Variants in CREB5 observed in about 807,000 individuals in gnomAD.
CREB5 encodes the protein cAMP responsive element binding protein 5.
A neutral mutation model predicts 57.1 loss-of-function variants in CREB5; 19 were observed. The ratio of observed to expected loss-of-function variants is 0.33; its 90% CI spans 0.23 to 0.49. The LOEUF is 0.49. Ranked by LOEUF, CREB5 falls within the 20% of genes least tolerant of loss-of-function variation. CREB5 has a pLI of 0.99. For missense variants in CREB5, 579 were observed against 671.6 expected, an observed-to-expected ratio of 0.86 and a Z score of 1.52; for synonymous variants, 238 against 238.3, an observed-to-expected ratio of 1.00 and a Z score of 0.01.
chr7:28,409,162 C>T (rs1351571289), upstream of CREB5, among the ~76,000 whole-genome samples: 3 of 151,582 alleles, frequency 2.0e-5, no homozygotes, highest in Non-Finnish European at 4.4e-5. This position sits in a 1 kb window ranked among gnomAD's most constrained non-coding sequence, Gnocchi z 4.4. Flanking sequence ...GCTGCCGCTC[C>T]CGGGCGGGTG....
At chr7:28,559,312 G>A (rs1794987943) in intron 4 of CREB5, among the ~76,000 whole-genome samples, 1 of 151,992 alleles carries the variant, frequency 6.6e-6, no homozygotes, top group African/African-American at 2.4e-5. Context: ...TAGGTTTTTT[G>A]TTTGTTTGTT....
At chr7:28,699,229 C>T (rs1460238828) in intron 5 of CREB5, among the ~76,000 whole-genome samples, 2 of 148,044 alleles carry the variant, frequency 1.4e-5, no homozygotes, top group Admixed American at 1.4e-4. Context: ...CTGCCAATAT[C>T]GGTTTAGAAA....
At chr7:28,639,443 T>C (rs577251883) in intron 5 of CREB5, among the ~76,000 whole-genome samples, 1 of 152,336 alleles carries the variant, frequency 6.6e-6, no homozygotes, top group South Asian at 2.1e-4. Flanking sequence ...TTGGTATTTA[T>C]TATATTCTGC....
chr7:28,794,195 A>C (rs940332547), intron 7 of CREB5, among the ~76,000 whole-genome samples: 1 of 152,182 alleles, frequency 6.6e-6, no homozygotes, highest in African/African-American at 2.4e-5. Context: ...CTTTTTTCCA[A>C]TAGAACTTTC....
intron 4 of CREB5, among the ~76,000 whole-genome samples, chr7:28,552,165 C>T (rs974891983): frequency 3.9e-5 from 6 of 152,040 alleles, no homozygotes; most frequent in African/African-American, 9.7e-5. Flanking sequence ...TTCAGCCTCC[C>T]AAGTTGGGAT....
At chr7:28,796,813 C>A (rs558407211) in intron 7 of CREB5, among the ~76,000 whole-genome samples, 1 of 152,190 alleles carries the variant, frequency 6.6e-6, no homozygotes, top group African/African-American at 2.4e-5. Flanking sequence ...AGGCACATGG[C>A]GCTAAGTGGT....
chr7:28,735,972 T>G (rs1342372597), intron 7 of CREB5, among the ~76,000 whole-genome samples: 1 of 151,770 alleles, frequency 6.6e-6, no homozygotes, highest in African/African-American at 2.4e-5. Flanking sequence ...GCCCAGCTAT[T>G]TTTAAATTTT....
At chr7:28,303,505 G>T (rs1785136797) in intron 1 of CREB5, among the ~76,000 whole-genome samples, 1 of 152,136 alleles carries the variant, frequency 6.6e-6, no homozygotes, top group African/African-American at 2.4e-5. Flanking sequence ...TCTTACCTCT[G>T]GTTTTCTAAC....
At chr7:28,692,626 G>A (rs1017372166) in intron 5 of CREB5, among the ~76,000 whole-genome samples, 3 of 152,050 alleles carry the variant, frequency 2.0e-5, no homozygotes, top group Non-Finnish European at 4.4e-5. Context: ...GGCCAACCTC[G>A]GGCATGGTGG....
rs1808941969 is a variant in CREB5, at chr7:28,809,209, T to C, written c.1049T>C (p.Met350Thr). 1.2e-6 allele frequency: 2 copies of C among 1,613,348 alleles called. No homozygotes were observed. The highest frequency in any genetic ancestry group is 1.7e-5 in the Admixed American group (1 of 59,988). The change falls in exon 9 of 11, where the codon ATG becomes ACG. Residue 350 changes from methionine (M) to threonine (T), a missense_variant. By Grantham distance (81) the Met-to-Thr change is moderately conservative. Transcript: ENST00000357727. ...CAGGTTTCACCAGCAACACAACAGA[T>C]GCAGCCAACCCAGACAATACAGCCA... Reference protein sequence around the residue: ...QAQVSPATQQMQPTQTIQPPQ... With the variant: ...QAQVSPATQQTQPTQTIQPPQ...
chr7:28,639,340 T>C (rs1200894789), intron 5 of CREB5, among the ~76,000 whole-genome samples: 1 of 144,046 alleles, frequency 6.9e-6, no homozygotes, highest in African/African-American at 2.7e-5. Context: ...CCAACAGACA[T>C]TCCTTAGCTC....
intron 5 of CREB5, among the ~76,000 whole-genome samples, chr7:28,689,240 G>C (rs894951580): frequency 6.6e-6 from 1 of 152,116 alleles, no homozygotes; most frequent in Non-Finnish European, 1.5e-5. Context: ...ACTTTGGGAG[G>C]CCGAGGTGGG....
intron 5 of CREB5, among the ~76,000 whole-genome samples, chr7:28,585,861 G>A (rs944715560): frequency 5.9e-5 from 9 of 152,098 alleles, no homozygotes; most frequent in Admixed American, 1.3e-4. Context: ...CTGTGCGGTC[G>A]GAACTAGGTT....
At chr7:28,443,464 T>A (rs1267727885) in intron 1 of CREB5, among the ~76,000 whole-genome samples, 4 of 152,170 alleles carry the variant, frequency 2.6e-5, no homozygotes, top group African/African-American at 4.8e-5. Flanking sequence ...GCAAACATAT[T>A]TGAAAAAATT....
chr7:28,635,820 A>T (rs1479108107), intron 5 of CREB5, among the ~76,000 whole-genome samples: 1 of 152,178 alleles, frequency 6.6e-6, no homozygotes, highest in Admixed American at 6.5e-5. Flanking sequence ...AGATTGGCAT[A>T]TGCCAGTTGA....
chr7:28,688,814 G>A (rs2128728788), intron 5 of CREB5, among the ~76,000 whole-genome samples: 2 of 152,250 alleles, frequency 1.3e-5, no homozygotes, highest in South Asian at 4.1e-4. Context: ...TTTGATGAGT[G>A]CCAAGTGTAT....
intron 5 of CREB5, among the ~76,000 whole-genome samples, chr7:28,640,761 T>C (rs1160049708): frequency 6.6e-6 from 1 of 152,152 alleles, no homozygotes; most frequent in East Asian, 1.9e-4. Context: ...CCTCTCCTTC[T>C]TCAAACTGAT....
At chr7:28,580,590 TGTGAGA>T (rs759191450) in intron 5 of CREB5, among the ~76,000 whole-genome samples, 103 of 145,574 alleles carry the variant, frequency 7.1e-4, no homozygotes, top group Middle Eastern at 3.6e-3. Context: ...TGTGTGTGTG[TGTGAGA>T]GAGAGATAGA....
chr7:28,807,220 G>A (rs532490259), intron 8 of CREB5, among the ~76,000 whole-genome samples: 29 of 152,152 alleles, frequency 1.9e-4, no homozygotes, highest in Middle Eastern at 3.4e-3. Flanking sequence ...AGGCTGAGGC[G>A]GGTGGATCAC....
Sources: gnomAD v4.1 joint callset for allele counts (sites outside exome capture counted in the v4.1 genomes callset) on GRCh38, gnomAD v4.1.1 for gene constraint, Gnocchi (gnomAD v3.1) non-coding constraint, MANE v1.5 for transcripts, NCBI Gene and HGNC (gene_info 2026-07-23, HGNC 2026-07-21) for gene names.